Variants in STAMBP observed in about 807,000 individuals in gnomAD.
STAMBP encodes STAM-binding protein.
Under a neutral mutation model 50.7 loss-of-function variants are expected in STAMBP, and 31 were observed. The observed-to-expected ratio is 0.61, with a 90% CI of 0.46 to 0.83. The LOEUF (loss-of-function observed/expected upper bound fraction) is 0.83. STAMBP is among the 40% of genes least tolerant of loss of function. The pLI, the probability that STAMBP is intolerant of heterozygous loss-of-function variation, is 0.00. For synonymous variants in STAMBP, 211 were observed against 192.4 expected (o/e 1.10, Z -0.80); for missense variants, 472 against 518.9 (o/e 0.91, Z 0.88).
At chr2:73,872,571 A>T (rs1679242897) in intron 10 of STAMBP, among the ~76,000 whole-genome samples, 1 of 152,240 alleles carries the variant, frequency 6.6e-6, no homozygotes, top group Admixed American at 6.5e-5. Context: ...CCCTACTCTC[A>T]CAGTGCAAGA....
chr2:73,843,919 T>C (rs12614068), intron 2 of STAMBP, among the ~76,000 whole-genome samples: 7,475 of 152,302 alleles, frequency 0.049, 336 homozygotes, highest in African/African-American at 0.1. Context: ...TTAAAAGACA[T>C]CTTTGTTCAG....
rs534699898 is a variant in STAMBP, at chr2:73,844,998, A to C, written c.279+110A>C. On this transcript the variant is annotated intron_variant, in intron 3 of 9. Transcript: ENST00000394070. ...TCTGAGTACCAGATCCTGCAATAGGAGATAAGGCCATTTCACCACAACAGT... is the reference window on the plus strand; with the variant it reads ...TCTGAGTACCAGATCCTGCAATAGGCGATAAGGCCATTTCACCACAACAGT... The C allele has an allele frequency of 6.4e-5, 97 of 1,524,162 alleles. 1 individual carries two copies. In the African/African-American group the frequency reaches 1.2e-3, roughly 18 times the overall value. The allele number at this position is 1,524,162 out of a possible 1,614,324, so 94.4% of individuals were successfully genotyped here.
intron 4 of STAMBP, among the ~76,000 whole-genome samples, chr2:73,847,081 CAA>C (rs10685610): frequency 5.5e-4 from 53 of 96,160 alleles, no homozygotes; most frequent in Admixed American, 1.1e-3. Flanking sequence ...GACCCTGTCT[CAA>C]AAAAAAAAAA....
chr2:73,862,535 G>T lies in STAMBP; in HGVS notation c.*276G>T. On this transcript the variant is annotated 3_prime_UTR_variant, in exon 10 of 10. Transcript: ENST00000394070. Reference sequence around the variant, plus strand: ...AGTAGCTCAGAAATTAAGAAAGAATGGTATAATGAACCCCCATATACCCTT... The same window carrying T: ...AGTAGCTCAGAAATTAAGAAAGAATTGTATAATGAACCCCCATATACCCTT... The T allele has an allele frequency of 7.5e-6, 2 of 265,674 alleles. No individual in the cohort carries two copies. The highest frequency in any genetic ancestry group is 1.4e-5 in the Non-Finnish European group (2 of 139,692). 16.5% of individuals were successfully genotyped at this position (265,674 alleles called of 1,614,324 possible).
At chr2:73,871,390 C>CA (rs199662643), downstream of STAMBP, among the ~76,000 whole-genome samples, 9,211 of 151,064 alleles carry the variant, frequency 0.061, 386 homozygotes, top group African/African-American at 0.099. Context: ...CGAAAAATAC[C>CA]AAAAAAAATT....
rs919206674 is a variant in STAMBP at position 73,863,159 on chromosome 2, A to T, written c.*900A>T. 1 of 152,214 alleles carries T rather than the reference A, an allele frequency of 6.6e-6. No individual in the cohort carries two copies. The highest frequency in any genetic ancestry group is 6.5e-5 in the Admixed American group (1 of 15,284). The allele number at this position is 152,214 out of a possible 1,614,324, so 9.4% of individuals were successfully genotyped here. A position where few individuals can be genotyped will look rare whatever the true frequency, so the allele number is the denominator to read the frequency against. ...ATGCCCTCCATGCTTTTGGCTGAGGATAATGAAGCCTTTGTTTGGAGTACC... is the reference window on the plus strand; with the variant it reads ...ATGCCCTCCATGCTTTTGGCTGAGGTTAATGAAGCCTTTGTTTGGAGTACC... On this transcript the variant is annotated 3_prime_UTR_variant, in exon 10 of 10. Coordinates refer to ENST00000394070, the MANE Select transcript of STAMBP (RefSeq NM_213622.4).
At chr2:73,861,584 T>C (rs1472179938) in intron 9 of STAMBP, among the ~76,000 whole-genome samples, 2 of 151,980 alleles carry the variant, frequency 1.3e-5, no homozygotes, top group Non-Finnish European at 2.9e-5. Context: ...AGTGGTATGA[T>C]CTCAGCTCAC....
Position 73,864,061 on chromosome 2 carries a change from A to T in STAMBP, c.*1802A>T, listed in dbSNP as rs1678634949. ...CAAATATCTAGGGAGCAATTTAAAAAATACTGATGCCTGTGTTCTACCCCC... is the reference window on the plus strand; with the variant it reads ...CAAATATCTAGGGAGCAATTTAAAATATACTGATGCCTGTGTTCTACCCCC... On this transcript the variant is annotated 3_prime_UTR_variant, in exon 10 of 10. Transcript: ENST00000394070. 1 of 152,226 alleles carries T rather than the reference A, an allele frequency of 6.6e-6. No homozygotes were observed. Among genetic ancestry groups the T allele is most frequent in the South Asian group, 2.1e-4 (1 of 4,830 alleles). The allele number at this position is 152,226 out of a possible 1,614,324, so 9.4% of individuals were successfully genotyped here.
At chr2:73,857,307 C>G (rs76294655) in intron 7 of STAMBP, among the ~76,000 whole-genome samples, 8,608 of 152,188 alleles carry the variant, frequency 0.057, 276 homozygotes, top group African/African-American at 0.08. Flanking sequence ...CAGAACCCAT[C>G]AGGTACCCTA....
In STAMBP at chr2:73,867,037, A is replaced by G. The variant is rs1427303130; in HGVS notation, c.*4778A>G. 1.3e-5 allele frequency: 2 copies of G among 152,162 alleles called. No homozygotes were observed. The highest frequency in any genetic ancestry group is 2.9e-5 in the Non-Finnish European group (2 of 68,048). The allele number at this position is 152,162 out of a possible 1,614,324, so 9.4% of individuals were successfully genotyped here. ...TGAGCTAAAATCATCCTGTTTGTTT[A>G]TTGCTAGCTTATGTGTCTAAAGTAT... On this transcript the variant is annotated 3_prime_UTR_variant, in exon 10 of 10. Coordinates refer to ENST00000394070, the MANE Select transcript of STAMBP (RefSeq NM_213622.4).
At chr2:73,867,890 C>T (rs1366374053), downstream of STAMBP, among the ~76,000 whole-genome samples, 5 of 151,876 alleles carry the variant, frequency 3.3e-5, no homozygotes, top group Admixed American at 6.6e-5. Flanking sequence ...TTTAGGAGGC[C>T]GAGGCGGGTG....
At chr2:73,852,643 G>A (rs867516983) in intron 7 of STAMBP, among the ~76,000 whole-genome samples, 3 of 152,082 alleles carry the variant, frequency 2.0e-5, no homozygotes, top group Non-Finnish European at 4.4e-5. Flanking sequence ...TGAGGGTAGT[G>A]GTAAGGCACA....
intron 4 of STAMBP, among the ~76,000 whole-genome samples, chr2:73,846,890 TG>T (rs1472581027): frequency 6.6e-6 from 1 of 152,024 alleles, no homozygotes; most frequent in Non-Finnish European, 1.5e-5. Flanking sequence ...AAGACTAGCC[TG>T]GGCAACATGG....
intron 7 of STAMBP, among the ~76,000 whole-genome samples, chr2:73,857,092 C>T (rs1455766893): frequency 6.6e-6 from 1 of 152,212 alleles, no homozygotes; most frequent in Non-Finnish European, 1.5e-5. Context: ...ATTCCAGCCT[C>T]AGAATTCTGT....
intron 2 of STAMBP, among the ~76,000 whole-genome samples, chr2:73,838,664 T>C (rs1393418544): frequency 6.6e-6 from 1 of 152,182 alleles, no homozygotes; most frequent in African/African-American, 2.4e-5. Context: ...TTGAGTGACA[T>C]ATTAGTGTTA....
At position 73,862,901 on chromosome 2, in the gene STAMBP, A is replaced by G. The variant is rs766423287; in HGVS notation, c.*642A>G. ...ATTAACTTATGTTTTTGTGCTTCAG[A>G]GTGATCCATTTGATCAAGCATTGTA... is the stretch of plus-strand genomic sequence containing the variant. On this transcript the variant is annotated 3_prime_UTR_variant, in exon 10 of 10. Coordinates refer to ENST00000394070, the MANE Select transcript of STAMBP (RefSeq NM_213622.4). The G allele has an allele frequency of 6.6e-6, 1 of 152,388 alleles. No individual in the cohort carries two copies. The highest frequency in any genetic ancestry group is 1.5e-5 in the Non-Finnish European group (1 of 68,042). The allele number at this position is 152,388 out of a possible 1,614,324, so 9.4% of individuals were successfully genotyped here. A position where few individuals can be genotyped will look rare whatever the true frequency, so the allele number is the denominator to read the frequency against.
chr2:73,834,282 T>C lies in STAMBP; in HGVS notation c.203+3223T>C, dbSNP rs1221941650. On this transcript the variant is annotated intron_variant, in intron 2 of 9. Transcript: ENST00000394070. ...ATATATATATATATATATATATATA[T>C]ATATAAAGTTTTTGACTCCCCAGAA... is the stretch of plus-strand genomic sequence containing the variant. Among the ~76,000 whole-genome samples the C allele has an allele frequency of 4.3e-5, 4 of 94,030 alleles. No individual in the cohort carries two copies. The South Asian group carries it at 1.5e-3, about 35-fold the overall frequency. The allele number at this position is 94,030 out of a possible 152,430, so 61.7% of individuals were successfully genotyped here. A position where few individuals can be genotyped will look rare whatever the true frequency, so the allele number is the denominator to read the frequency against.
rs77801207 is a variant in STAMBP at position 73,850,628 on chromosome 2, C to G, written c.1005+115C>G. The G allele has an allele frequency of 0.047, 57,404 of 1,231,856 alleles. 1,598 individuals carry two copies. Among genetic ancestry groups the G allele is most frequent in the Non-Finnish European group, 0.054 (49,700 of 914,572 alleles). 76.3% of individuals were successfully genotyped at this position (1,231,856 alleles called of 1,614,324 possible). On this transcript the variant is annotated intron_variant, in intron 7 of 9. Transcript: ENST00000394070. The surrounding 1 kb of genome is among the most constrained non-coding windows in gnomAD (Gnocchi z 4.3). ...TATCCAGATTATTTATTGTTTTTCT[C>G]TCTTTTGGATGCAGTCCTTAGCATA...
At chr2:73,851,471 G>A (rs1676794467) in intron 7 of STAMBP, among the ~76,000 whole-genome samples, 1 of 152,176 alleles carries the variant, frequency 6.6e-6, no homozygotes, top group Non-Finnish European at 1.5e-5. Flanking sequence ...GGAATTCAGA[G>A]GAAGGAGGGA....
Sources: gnomAD v4.1 joint callset for allele counts (sites outside exome capture counted in the v4.1 genomes callset) on GRCh38, gnomAD v4.1.1 for gene constraint, Gnocchi (gnomAD v3.1) non-coding constraint, MANE v1.5 for transcripts, NCBI Gene and HGNC (gene_info 2026-07-23, HGNC 2026-07-21) for gene names.